The following C16orf96 variants were observed in gnomAD, a reference collection of about 807,000 sequenced individuals.
The protein encoded by C16orf96 is uncharacterized protein C16orf96.
Under a neutral mutation model 103.6 loss-of-function variants are expected in C16orf96, and 108 were observed. The ratio of observed to expected loss-of-function variants is 1.04; its 90% confidence interval spans 0.89 to 1.22. The LOEUF (loss-of-function observed/expected upper bound fraction) is 1.22, where lower values mean the gene tolerates loss of function less well. C16orf96 is among the 50% of genes most tolerant of loss of function. The pLI, the probability that C16orf96 is intolerant of heterozygous loss-of-function variation, is 0.00. For synonymous variants in C16orf96, 566 were observed against 593.5 expected, an observed-to-expected ratio of 0.95 and a Z score of 0.67; for missense variants, 1,586 against 1,464.2, an observed-to-expected ratio of 1.08 and a Z score of -1.36.
intron 6 of C16orf96, 31 bp downstream of exon 6, chr16:4,579,056 C>T (rs1266857481): frequency 1.3e-6 from 2 of 1,539,332 alleles, no homozygotes; most frequent in Admixed American, 2.0e-5. Flanking sequence ...GCTTTTGAGG[C>T]AGTGATGGCT....
At chr16:4,554,382 GCT>G (rs2059244387), upstream of C16orf96, among the ~76,000 whole-genome samples, 2 of 150,132 alleles carry the variant, frequency 1.3e-5, no homozygotes, top group African/African-American at 4.9e-5. Flanking sequence ...ACAGAGTCTT[GCT>G]CTGTCGCCCA....
chr16:4,572,037 A>G (rs1382973176), intron 2 of C16orf96, among the ~76,000 whole-genome samples: 1 of 151,308 alleles, frequency 6.6e-6, no homozygotes. Context: ...TTTAGTAGAG[A>G]CAGGGGTTCA....
chr16:4,566,691 C>G (rs2059388341), intron 1 of C16orf96, among the ~76,000 whole-genome samples: 1 of 151,984 alleles, frequency 6.6e-6, no homozygotes, highest in Non-Finnish European at 1.5e-5. Flanking sequence ...ACTTTAATCT[C>G]TTCACTTGTT....
the C16orf96 span, among the ~76,000 whole-genome samples, chr16:4,548,833 G>A: frequency 1.4e-5 from 2 of 147,420 alleles, no homozygotes; most frequent in Non-Finnish European, 3.0e-5. Context: ...AGGTTGCAAT[G>A]TCACGCCATT....
In C16orf96 at chr16:4,588,156, T is replaced by A; in HGVS notation, c.2428-11T>A. The A allele has an allele frequency of 6.5e-7, 1 of 1,549,628 alleles. No individual in the cohort carries two copies. The highest frequency in any genetic ancestry group is 8.7e-7 in the Non-Finnish European group (1 of 1,146,060). ...AGCAGCCATGCCTCCCTGAACTCCC[T>A]GTCTCCCTAGAAAGCTGACAGGAGT... On this transcript the variant is annotated splice_polypyrimidine_tract_variant and intron_variant, in intron 8 of 15. Transcript: ENST00000444310.
Position 4,600,431 on chromosome 16 carries a change from T to C in C16orf96, c.*114T>C. 2.9e-6 allele frequency: 2 copies of C among 684,162 alleles called. No homozygotes were observed. The highest frequency in any genetic ancestry group is 4.9e-6 in the Non-Finnish European group (2 of 411,764). The allele number at this position is 684,162 out of a possible 1,614,324, so 42.4% of individuals were successfully genotyped here. A position where few individuals can be genotyped will look rare whatever the true frequency, so the allele number is the denominator to read the frequency against. Reference sequence around the variant, plus strand: ...TCCACATCGGAGGCTGAGGCCTATGTGGCCCCCCACCCCCACCCCCACCAA... The same window carrying C: ...TCCACATCGGAGGCTGAGGCCTATGCGGCCCCCCACCCCCACCCCCACCAA... On this transcript the variant is annotated 3_prime_UTR_variant, in exon 16 of 16. Transcript: ENST00000444310.
Position 4,580,111 on chromosome 16 carries a change from A to C in C16orf96, c.2338A>C (p.Met780Leu), listed in dbSNP as rs978959867. Residue 780 changes from methionine to leucine, a missense_variant, in exon 7 of 16, where the codon ATG becomes CTG. Met to Leu is a conservative substitution (Grantham distance 15). Coordinates refer to ENST00000444310, the MANE Select transcript of C16orf96 (RefSeq NM_001145011.2). ...GGCGGTGGAGAACCTGCAGATTCGC[A>C]TGGATGAGTTCAAGGTTAGGAGGAC... The part of the protein sequence containing the change: ...DKAVENLQIR[M>L]DEFKTLQAQI... 1 of 1,535,660 alleles carries C rather than the reference A, an allele frequency of 6.5e-7. No individual in the cohort carries two copies. The highest frequency in any genetic ancestry group is 2.5e-5 in the East Asian group (1 of 40,150).
At chr16:4,544,855 G>A in the C16orf96 span, among the ~76,000 whole-genome samples, 1 of 152,062 alleles carries the variant, frequency 6.6e-6, no homozygotes, top group Non-Finnish European at 1.5e-5. Context: ...ACGGGAACTG[G>A]GGACTAGATG....
At chr16:4,564,966 A>G (rs1014563116) in intron 1 of C16orf96, among the ~76,000 whole-genome samples, 1 of 152,184 alleles carries the variant, frequency 6.6e-6, no homozygotes, top group African/African-American at 2.4e-5. Flanking sequence ...TGTCACCTTC[A>G]CAGTGTCGTG....
chr16:4,562,089 T>A (rs2059338489), intron 1 of C16orf96, among the ~76,000 whole-genome samples: 1 of 152,188 alleles, frequency 6.6e-6, no homozygotes, highest in African/African-American at 2.4e-5. Context: ...GCCACTGCAT[T>A]ACAACTAAGC....
chr16:4,560,458 C>T (rs1464317554), intron 1 of C16orf96: 1 of 152,004 alleles, frequency 6.6e-6, no homozygotes, highest in Non-Finnish European at 1.5e-5. Flanking sequence ...CCTTGGCCTC[C>T]CAAAGTGCTG....
intron 5 of C16orf96, among the ~76,000 whole-genome samples, chr16:4,578,029 G>T (rs540716975): frequency 2.6e-5 from 4 of 152,058 alleles, no homozygotes; most frequent in African/African-American, 9.7e-5. Context: ...AAGATTGCTT[G>T]AGCCTAGCAG....
At position 4,579,949 on chromosome 16, in the gene C16orf96, G is replaced by A. The variant is rs528052864; in HGVS notation, c.2242-66G>A. On this transcript the variant is annotated intron_variant, in intron 6 of 15. Transcript: ENST00000444310. ...TCTTCTTGGCCTCAACCCTCCCTCA[G>A]GCCCCTTCCCGGCCATGGTAACTTC... 144 of 1,370,332 alleles carry A rather than the reference G, an allele frequency of 1.1e-4. 1 individual carries two copies. The South Asian group carries it at 1.7e-3, about 16-fold the overall frequency. 84.9% of individuals were successfully genotyped at this position (1,370,332 alleles called of 1,614,324 possible). A position where few individuals can be genotyped will look rare whatever the true frequency, so the allele number is the denominator to read the frequency against.
At position 4,575,843 on chromosome 16, in the gene C16orf96, C is replaced by T. The variant is rs1464804287; in HGVS notation, c.1363C>T (p.Gln455Ter). The T allele has an allele frequency of 5.2e-6, 8 of 1,551,204 alleles. No individual in the cohort carries two copies. The South Asian group carries it at 5.9e-5, about 12-fold the overall frequency. Reference protein sequence around the residue: ...QGEALQLAAVQVKGEENDVPS... With the variant: ...QGEALQLAAV Reference sequence around the variant, plus strand: ...AGAAGCCCTCCAGCTCGCAGCTGTCCAAGTAAAGGGGGAGGAAAATGATGT... The same window carrying T: ...AGAAGCCCTCCAGCTCGCAGCTGTCTAAGTAAAGGGGGAGGAAAATGATGT... Residue 455 changes from glutamine to a stop codon, truncating the protein, a stop_gained, in exon 5 of 16, where the codon CAA (glutamine) becomes TAA (stop). Transcript: ENST00000444310. LOFTEE classifies it high-confidence loss of function.
chr16:4,574,022 T>TG (rs906539824), intron 2 of C16orf96, among the ~76,000 whole-genome samples: 1 of 150,706 alleles, frequency 6.6e-6, no homozygotes, highest in Admixed American at 6.6e-5. Flanking sequence ...TTAGTGGAGG[T>TG]GGGGGCTTCA....
intron 14 of C16orf96, among the ~76,000 whole-genome samples, chr16:4,598,265 C>A (rs1487104617): frequency 1.3e-5 from 2 of 152,124 alleles, no homozygotes; most frequent in Non-Finnish European, 2.9e-5. Context: ...GCGGGAGGAT[C>A]ACTTGAGCCC....
At chr16:4,546,878 C>T in the C16orf96 span, among the ~76,000 whole-genome samples, 1 of 152,182 alleles carries the variant, frequency 6.6e-6, no homozygotes, top group African/African-American at 2.4e-5. Context: ...AGGAATGAAG[C>T]ACTGATCCGT....
intron 14 of C16orf96, among the ~76,000 whole-genome samples, chr16:4,598,984 T>A (rs117172778): frequency 0.055 from 8,292 of 151,580 alleles, 359 homozygotes; most frequent in South Asian, 0.14. Context: ...CCGGGAGTAG[T>A]GGGGCACACC....
the C16orf96 span, among the ~76,000 whole-genome samples, chr16:4,549,847 A>G: frequency 1.3e-5 from 2 of 152,062 alleles, no homozygotes; most frequent in East Asian, 1.9e-4. Context: ...TTCTCTCACC[A>G]TGCAACATGC....
Sources: gnomAD v4.1 joint callset for allele counts (sites outside exome capture counted in the v4.1 genomes callset) on GRCh38, gnomAD v4.1.1 for gene constraint, MANE v1.5 for transcripts, NCBI Gene and HGNC (gene_info 2026-07-23, HGNC 2026-07-21) for gene names.